Variants in PPFIA1 observed in about 807,000 individuals in gnomAD.
PPFIA1 encodes the protein PPFI scaffold protein A1.
PPFIA1 carries 25 observed loss-of-function variants against 149.9 expected under a neutral mutation model. That is an observed-to-expected ratio of 0.17 (90% CI 0.12 to 0.23). The LOEUF (loss-of-function observed/expected upper bound fraction) is 0.23, where lower values mean the gene tolerates loss of function less well. PPFIA1 is among the 10% of genes least tolerant of loss of function. The probability of loss-of-function intolerance (pLI) is 1.00; values close to 1 mark genes in which losing one functional copy is unlikely to be tolerated. For missense variants in PPFIA1, 1,362 were observed against 1,506.5 expected (o/e 0.90, Z 1.59); for synonymous variants, 549 against 552.8 (o/e 0.99, Z 0.10).
rs769835466 is a variant in PPFIA1 at position 70,343,908 on chromosome 11, C to A, written c.1931+16C>A. On this transcript the variant is annotated intron_variant, in intron 15 of 27. Transcript: ENST00000253925. ...AAGAGATCAGGTGTGTGCAACCGTG[C>A]ATGACACTCACCACACGCATGGGTG... The A allele has an allele frequency of 5.0e-6, 8 of 1,602,826 alleles. No individual in the cohort carries two copies. The highest frequency in any genetic ancestry group is 6.8e-6 in the Non-Finnish European group (8 of 1,173,274).
intron 2 of PPFIA1, among the ~76,000 whole-genome samples, chr11:70,296,689 A>G (rs989532838): frequency 1.5e-5 from 2 of 137,674 alleles, no homozygotes; most frequent in African/African-American, 2.7e-5. Flanking sequence ...AGGGAGAGGG[A>G]GACCGTGGGG....
At chr11:70,287,064 G>T (rs73518508) in intron 2 of PPFIA1, among the ~76,000 whole-genome samples, 1,597 of 151,796 alleles carry the variant, frequency 0.011, 34 homozygotes, top group African/African-American at 0.037. Flanking sequence ...TGTTGTCTAG[G>T]CTGGTCTCGA....
Position 70,326,689 on chromosome 11 carries a change from C to T in PPFIA1, c.801C>T (p.Ser267=). 6.2e-7 allele frequency: 1 copy of T among 1,614,012 alleles called. No individual in the cohort carries two copies. Among genetic ancestry groups the T allele is most frequent in the East Asian group, 2.2e-5 (1 of 44,874 alleles). ...EIISKQSREQ[S]QMKERLASLS... ...TAAGTAAGCAGTCAAGGGAACAGAG[C>T]CAAATGAAAGAACGCCTGGCTTCCC... Residue 267 remains serine (S), a synonymous_variant, in exon 7 of 28, where the codon AGC becomes AGT. Transcript: ENST00000253925.
At chr11:70,272,055 C>A in intron 1 of PPFIA1, 118 bp from the exon 2 acceptor site, 1 of 1,133,340 alleles carries the variant, frequency 8.8e-7, no homozygotes, top group Non-Finnish European at 1.3e-6. Flanking sequence ...CAAAGCATAA[C>A]AGATCTGAGC....
At chr11:70,319,318 TTCTTAC>T (rs1313767858) in intron 2 of PPFIA1, among the ~76,000 whole-genome samples, 1 of 152,222 alleles carries the variant, frequency 6.6e-6, no homozygotes, top group Non-Finnish European at 1.5e-5. Context: ...TTGCAGTCAT[TTCTTAC>T]CCATCTCCCC....
rs1432819588 is a variant in PPFIA1, at chr11:70,341,615, G to C, written c.1708-2054G>C. Among the ~76,000 whole-genome samples the C allele has an allele frequency of 2.6e-5, 4 of 152,178 alleles. No homozygotes were observed. In the South Asian group the frequency reaches 8.3e-4, roughly 32 times the overall value. On this transcript the variant is annotated intron_variant, in intron 14 of 27. Transcript: ENST00000253925. ...GGAACCCAAGAGACATCTAGAACTA[G>C]AGATGAAAATTGGGGCATTTTGCGC...
At chr11:70,375,250 G>T (rs10793070) in intron 24 of PPFIA1, 157 bp downstream of exon 24, 288,563 of 288,628 alleles carry the variant, frequency 1, 144,249 homozygotes, top group Middle Eastern at 1. Flanking sequence ...TGGTCTATTG[G>T]CTTTCCCTTT....
chr11:70,376,409 G>C, intron 24 of PPFIA1, 123 bp from the exon 25 acceptor site: 1 of 950,072 alleles, frequency 1.1e-6, no homozygotes, highest in Non-Finnish European at 1.7e-6. Context: ...TTACAGGCGT[G>C]AGCCACCAGA....
intron 15 of PPFIA1, 64 bp downstream of exon 15, chr11:70,343,956 C>T (rs1009923628): frequency 5.7e-5 from 76 of 1,333,204 alleles, no homozygotes; most frequent in Admixed American, 1.6e-4. Context: ...CTCATCTTGC[C>T]TGGAAAAGTC....
In PPFIA1 at chr11:70,273,036, G is replaced by A. The variant is rs559986921; in HGVS notation, c.264+600G>A. Among the ~76,000 whole-genome samples, 6 of 152,316 alleles carry A rather than the reference G, an allele frequency of 3.9e-5. No individual in the cohort carries two copies. The East Asian group carries it at 1.2e-3, about 29-fold the overall frequency. On this transcript the variant is annotated intron_variant, in intron 2 of 27. Transcript: ENST00000253925. ...CTCATGCCTGTAATCCCAGCACTCT[G>A]GGAGGCTGAGGCAGGCGGATCACCT...
rs2057780429 is a variant in PPFIA1 at position 70,383,444 on chromosome 11, C to G, written c.*454C>G. The G allele has an allele frequency of 5.6e-6, 1 of 179,062 alleles. No homozygotes were observed. The highest frequency in any genetic ancestry group is 1.2e-5 in the Non-Finnish European group (1 of 86,622). 11.1% of individuals were successfully genotyped at this position (179,062 alleles called of 1,614,324 possible). A position where few individuals can be genotyped will look rare whatever the true frequency, so the allele number is the denominator to read the frequency against. ...GGATTTTACGTTTATAAAATTATGA[C>G]AGAAGCCATGTGCATTATCCTTTAC... On this transcript the variant is annotated 3_prime_UTR_variant, in exon 28 of 28. Transcript: ENST00000253925.
At chr11:70,378,923 G>A (rs2057594457) in intron 26 of PPFIA1, among the ~76,000 whole-genome samples, 1 of 152,218 alleles carries the variant, frequency 6.6e-6, no homozygotes, top group African/African-American at 2.4e-5. Flanking sequence ...GAAAGGCAGT[G>A]CACAGGTTGA....
At chr11:70,332,647 T>C (rs574219027) in intron 9 of PPFIA1, among the ~76,000 whole-genome samples, 1 of 152,316 alleles carries the variant, frequency 6.6e-6, no homozygotes, top group East Asian at 1.9e-4. Flanking sequence ...GTTCTCCCCA[T>C]TCATGAGGGA....
intron 21 of PPFIA1, chr11:70,363,094 T>C (rs1473833206): frequency 6.6e-6 from 1 of 152,298 alleles, no homozygotes; most frequent in Non-Finnish European, 1.5e-5. Flanking sequence ...AAGCCAATTA[T>C]AGTGTATTTT....
At chr11:70,327,799 G>A (rs2136875053) in intron 7 of PPFIA1, 1 of 152,024 alleles carries the variant, frequency 6.6e-6, no homozygotes, top group Middle Eastern at 3.4e-3. Flanking sequence ...GAAACTATTT[G>A]ATCATGAAAC....
intron 2 of PPFIA1, chr11:70,319,989 A>C (rs1415716987): frequency 2.0e-5 from 3 of 152,216 alleles, no homozygotes; most frequent in African/African-American, 7.2e-5. Flanking sequence ...CCTCTCACCC[A>C]GAGCACGTAC....
rs1202813450 is a variant in PPFIA1, at chr11:70,383,555, CTG to C, written c.*567_*568del. ...GTTGTATTTTCATGACTGACCTTAACTGTACTTTTTCTAGCAAGAGATGCTTT... is the reference window on the plus strand; with the variant it reads ...GTTGTATTTTCATGACTGACCTTAACTACTTTTTCTAGCAAGAGATGCTTT... On this transcript the variant is annotated 3_prime_UTR_variant, in exon 28 of 28. Coordinates refer to ENST00000253925, the MANE Select transcript of PPFIA1 (RefSeq NM_003626.5). The C allele has an allele frequency of 1.3e-5, 2 of 156,736 alleles. No individual in the cohort carries two copies. The highest frequency in any genetic ancestry group is 4.8e-5 in the African/African-American group (2 of 41,478). 9.7% of individuals were successfully genotyped at this position (156,736 alleles called of 1,614,324 possible).
At chr11:70,291,996 C>A (rs2051561823) in intron 2 of PPFIA1, among the ~76,000 whole-genome samples, 1 of 152,018 alleles carries the variant, frequency 6.6e-6, no homozygotes, top group Admixed American at 6.6e-5. Flanking sequence ...TGCCACCACA[C>A]CTGGCTAATT....
intron 7 of PPFIA1, chr11:70,327,303 G>GAGA: frequency 6.5e-6 from 1 of 153,816 alleles, no homozygotes; most frequent in South Asian, 2.0e-4. Flanking sequence ...GTTGCTGGCG[G>GAGA]TCTTCTCATT....
Sources: gnomAD v4.1 joint callset for allele counts (sites outside exome capture counted in the v4.1 genomes callset) on GRCh38, gnomAD v4.1.1 for gene constraint, MANE v1.5 for transcripts, NCBI Gene and HGNC (gene_info 2026-07-23, HGNC 2026-07-21) for gene names.